MOV10: variants seen among roughly 807,000 people sequenced by gnomAD.
MOV10 encodes Mov10 RNA helicase.
A neutral mutation model predicts 108.4 loss-of-function variants in MOV10; 39 were observed. The observed-to-expected ratio is 0.36, with a 90% CI of 0.28 to 0.47. The LOEUF (loss-of-function observed/expected upper bound fraction) is 0.47. MOV10 is among the 20% of genes least tolerant of loss of function. The pLI, the probability that MOV10 is intolerant of heterozygous loss-of-function variation, is 1.00. For missense variants in MOV10, 952 were observed against 1,297.6 expected, an observed-to-expected ratio of 0.73 and a Z score of 4.09; for synonymous variants, 490 against 523.1, an observed-to-expected ratio of 0.94 and a Z score of 0.86.
intron 5 of MOV10, among the ~76,000 whole-genome samples, chr1:112,690,786 C>T (rs72986516): frequency 0.018 from 2,719 of 152,272 alleles, 71 homozygotes; most frequent in East Asian, 0.093. Context: ...TCACCACCAT[C>T]GGTTTTAGAA....
intron 2 of MOV10, among the ~76,000 whole-genome samples, chr1:112,677,225 C>CA (rs1461433066): frequency 6.6e-6 from 1 of 152,044 alleles, no homozygotes; most frequent in Non-Finnish European, 1.5e-5. Context: ...ATATTTGCCT[C>CA]AAAAATAGAA....
intron 19 of MOV10, 77 bp downstream of exon 19, chr1:112,700,059 T>A: frequency 1.3e-6 from 2 of 1,538,970 alleles, no homozygotes; most frequent in Non-Finnish European, 1.8e-6. Context: ...TTTAAGCGCT[T>A]GCTTATCGCT....
At chr1:112,693,827 G>A (rs1194833316) in intron 7 of MOV10, 191 bp from the exon 8 acceptor site, 3 of 549,660 alleles carry the variant, frequency 5.5e-6, no homozygotes, top group African/African-American at 3.8e-5. Flanking sequence ...CGGAGGATTT[G>A]TCTTCTTCCT....
chr1:112,690,834 T>C (rs1673514557), intron 5 of MOV10, among the ~76,000 whole-genome samples: 1 of 152,208 alleles, frequency 6.6e-6, no homozygotes, highest in African/African-American at 2.4e-5. Context: ...CCTTTTATCC[T>C]CCACCCACTT....
chr1:112,692,642 T>C (rs1673685852), intron 6 of MOV10, 119 bp from the exon 7 acceptor site: 2 of 1,364,312 alleles, frequency 1.5e-6, no homozygotes, highest in Non-Finnish European at 2.0e-6. Flanking sequence ...TAGTCTTCTC[T>C]GCTTTTTGAC....
chr1:112,689,355 G>C, intron 3 of MOV10, 60 bp from the exon 4 acceptor site: 3 of 1,499,812 alleles, frequency 2.0e-6, no homozygotes, highest in Non-Finnish European at 2.8e-6. Flanking sequence ...CTTTCCCCAG[G>C]GTAACTCCCC....
rs1174224423 is a variant in MOV10 at position 112,675,818 on chromosome 1, G to A, written c.137+769G>A. On this transcript the variant is annotated intron_variant, in intron 2 of 20. Coordinates refer to ENST00000369645, the MANE Select transcript of MOV10 (RefSeq NM_001321324.2). The surrounding 1 kb of genome is among the most constrained non-coding windows in gnomAD (Gnocchi z 4.7). ...GTTTATCAACAGGCTGCTGCCTTGC[G>A]TGGAAAACCAAGAAGCAGTTTAACA... Among the ~76,000 whole-genome samples the A allele has an allele frequency of 1.3e-5, 2 of 152,234 alleles. No homozygotes were observed. The highest frequency in any genetic ancestry group is 2.9e-5 in the Non-Finnish European group (2 of 68,038).
At position 112,691,587 on chromosome 1, in the gene MOV10, T is replaced by G. The variant is rs1673588575; in HGVS notation, c.837-78T>G. 5 of 1,540,052 alleles carry G rather than the reference T, an allele frequency of 3.2e-6. No homozygotes were observed. In the Admixed American group the frequency reaches 5.4e-5, roughly 17 times the overall value. On this transcript the variant is annotated intron_variant, in intron 5 of 20. Transcript: ENST00000369645. ...GCAGTAGGATTGCAGGAGGGCTTTGTGCATCCACCCCAGAGGGGCGTTCTC... is the reference window on the plus strand; with the variant it reads ...GCAGTAGGATTGCAGGAGGGCTTTGGGCATCCACCCCAGAGGGGCGTTCTC...
chr1:112,690,001 G>A lies in MOV10; in HGVS notation c.739G>A (p.Ala247Thr). The A allele has an allele frequency of 6.2e-7, 1 of 1,614,126 alleles. No homozygotes were observed. The highest frequency in any genetic ancestry group is 8.5e-7 in the Non-Finnish European group (1 of 1,180,042). The change falls in exon 5 of 21, where the codon GCT becomes ACT. Residue 247 changes from alanine (A) to threonine (T), a missense_variant. By Grantham distance (58) the Ala-to-Thr change is moderately conservative. Coordinates refer to ENST00000369645, the MANE Select transcript of MOV10 (RefSeq NM_001321324.2). The part of the protein sequence containing the change: ...FLAAVAHSPL[A>T]AQLKPMTPFK... The stretch of plus-strand genomic sequence containing the variant: ...GGCTGCCGTCGCCCACAGCCCCCTG[G>A]CTGCACAGCTGAAGCCCATGACTCC...
intron 5 of MOV10, 76 bp from the exon 6 acceptor site, chr1:112,691,589 C>A: frequency 6.5e-7 from 1 of 1,537,582 alleles, no homozygotes; most frequent in South Asian, 1.2e-5. Flanking sequence ...GGGCTTTGTG[C>A]ATCCACCCCA....
intron 2 of MOV10, among the ~76,000 whole-genome samples, chr1:112,682,502 C>T (rs1255076824): frequency 6.6e-6 from 1 of 152,202 alleles, no homozygotes. Flanking sequence ...AATTTGCAAA[C>T]AGCAAAATGT....
intron 3 of MOV10, 54 bp from the exon 4 acceptor site, chr1:112,689,361 T>TC (rs1234896809): frequency 6.6e-7 from 1 of 1,516,664 alleles, no homozygotes; most frequent in African/African-American, 1.4e-5. Flanking sequence ...CCAGGGTAAC[T>TC]CCCCAGTCAG....
intron 18 of MOV10, 39 bp from the exon 19 acceptor site, chr1:112,699,855 G>A: frequency 1.2e-6 from 2 of 1,614,012 alleles, no homozygotes; most frequent in Non-Finnish European, 1.7e-6. Flanking sequence ...CATTCTCGGG[G>A]CTCTTCCCTC....
At chr1:112,685,689 A>ATC (rs1673024709) in intron 2 of MOV10, among the ~76,000 whole-genome samples, 3 of 151,092 alleles carry the variant, frequency 2.0e-5, no homozygotes, top group African/African-American at 7.3e-5. Flanking sequence ...AATAAAATAT[A>ATC]AAATAAAATA....
chr1:112,688,526 C>A, intron 2 of MOV10: 1 of 1,093,298 alleles, frequency 9.1e-7, no homozygotes. Flanking sequence ...TGAATCAAAT[C>A]ATTCCGCTTC....
rs778778772 is a variant in MOV10, at chr1:112,694,820, C to T, written c.1544C>T (p.Thr515Ile). ...QAMRHIVTGT[T>I]RPAPYIIFGP... ...ATGAGGCACATTGTTACGGGCACCA[C>T]CCGTCCAGCCCCCTACATCATCTTT... The change falls in exon 10 of 21, where the codon ACC (threonine) becomes ATC (isoleucine). Residue 515 changes from threonine to isoleucine, a missense_variant. Coordinates refer to ENST00000369645, the MANE Select transcript of MOV10 (RefSeq NM_001321324.2). This position sits in a 1 kb window ranked among gnomAD's most constrained non-coding sequence, Gnocchi z 4.1. 1 of 1,614,050 alleles carries T rather than the reference C, an allele frequency of 6.2e-7. No individual in the cohort carries two copies. The highest frequency in any genetic ancestry group is 1.3e-5 in the African/African-American group (1 of 74,908).
intron 2 of MOV10, among the ~76,000 whole-genome samples, chr1:112,678,339 G>A (rs1243241424): frequency 6.6e-6 from 1 of 152,074 alleles, no homozygotes; most frequent in Non-Finnish European, 1.5e-5. Context: ...CTTTGGACAG[G>A]AGACTCATTC....
At chr1:112,699,579 T>C (rs1448428887) in intron 17 of MOV10, 106 bp from the exon 18 acceptor site, 1 of 1,546,286 alleles carries the variant, frequency 6.5e-7, no homozygotes, top group East Asian at 2.3e-5. Flanking sequence ...TGATCTACAA[T>C]TGCCCAGTGA....
In MOV10 at chr1:112,674,912, G is replaced by C; in HGVS notation, c.-1G>C. 6.4e-7 allele frequency: 1 copy of C among 1,564,670 alleles called. No individual in the cohort carries two copies. The highest frequency in any genetic ancestry group is 8.6e-7 in the Non-Finnish European group (1 of 1,159,174). On this transcript the variant is annotated 5_prime_UTR_variant, in exon 2 of 21. Coordinates refer to ENST00000369645, the MANE Select transcript of MOV10 (RefSeq NM_001321324.2). The stretch of plus-strand genomic sequence containing the variant: ...CTGCCTGGGCCGCAGCCGCCGCCGC[G>C]ATGCCCAGTAAGTTCAGCTGCCGGC...
Sources: allele counts gnomAD v4.1 joint callset (sites outside exome capture counted in the v4.1 genomes callset), GRCh38; gene constraint gnomAD v4.1.1; non-coding constraint Gnocchi (gnomAD v3.1); transcripts MANE v1.5; gene names NCBI Gene and HGNC (gene_info 2026-07-23, HGNC 2026-07-21).